Variants in NCF2 observed in about 807,000 individuals in gnomAD.
NCF2 encodes neutrophil cytosol factor 2.
In NCF2, 45 loss-of-function variants were observed where a neutral mutation model predicts 70.9. The ratio of observed to expected loss-of-function variants is 0.63; its 90% CI spans 0.50 to 0.81. NCF2 has a LOEUF of 0.81. Ranked by LOEUF, NCF2 falls within the 40% of genes least tolerant of loss-of-function variation. NCF2 has a pLI of 0.00. For missense variants in NCF2, 522 were observed against 631.6 expected, an observed-to-expected ratio of 0.83 and a Z score of 1.86; for synonymous variants, 203 against 233.6, an observed-to-expected ratio of 0.87 and a Z score of 1.19.
chr1:183,560,012 T>A, intron 14 of NCF2, 84 bp downstream of exon 14: 1 of 1,433,110 alleles, frequency 7.0e-7, no homozygotes, highest in Non-Finnish European at 9.8e-7. Context: ...TGTTTGTAGA[T>A]TATTGATATT....
upstream of NCF2, among the ~76,000 whole-genome samples, chr1:183,592,425 C>G (rs12066019): frequency 6.6e-6 from 1 of 152,176 alleles, no homozygotes; most frequent in African/African-American, 2.4e-5. Context: ...TTTGTACCAC[C>G]TTTACCCAAA....
chr1:183,569,879 T>G (rs553756551), intron 6 of NCF2, among the ~76,000 whole-genome samples: 15 of 152,230 alleles, frequency 9.9e-5, no homozygotes, highest in Non-Finnish European at 2.1e-4. Flanking sequence ...CGTGAGCCAC[T>G]GTGCCTGGCC....
chr1:183,593,769 G>T (rs1673727674), upstream of NCF2, among the ~76,000 whole-genome samples: 1 of 152,186 alleles, frequency 6.6e-6, no homozygotes, highest in South Asian at 2.1e-4. Flanking sequence ...ACTTGGTGCT[G>T]TTAGTAGACG....
chr1:183,578,718 G>A lies in NCF2; in HGVS notation c.258-1011C>T, dbSNP rs980639566. ...CACTGCCTTGTGCTGCTGGATTGGCGTGGAGCTGACTGGCTCGATGTATAC... is the reference window on the plus strand; with the variant it reads ...CACTGCCTTGTGCTGCTGGATTGGCATGGAGCTGACTGGCTCGATGTATAC... On this transcript the variant is annotated intron_variant, in intron 2 of 14. Transcript: ENST00000367535. Among the ~76,000 whole-genome samples, 3 of 152,278 alleles carry A rather than the reference G, an allele frequency of 2.0e-5. No individual in the cohort carries two copies. In the South Asian group the frequency reaches 6.2e-4, roughly 32 times the overall value.
chr1:183,597,179 A>AT, the NCF2 span, among the ~76,000 whole-genome samples: 1 of 152,174 alleles, frequency 6.6e-6, no homozygotes, highest in Non-Finnish European at 1.5e-5. Flanking sequence ...TCAGTCCTGC[A>AT]TTTTTCGTCT....
At chr1:183,563,360 ATCC>A (rs1477830498) in intron 12 of NCF2, 54 bp from the exon 13 acceptor site, 4 of 1,613,588 alleles carry the variant, frequency 2.5e-6, no homozygotes, top group South Asian at 1.1e-5. Flanking sequence ...CACAAAAACC[ATCC>A]TCCTCTTCCC....
rs891129747 is a variant in NCF2, at chr1:183,563,332, C to T, written c.1179-26G>A. 5.6e-6 allele frequency: 9 copies of T among 1,613,660 alleles called. No homozygotes were observed. The African/African-American group carries it at 1.1e-4, about 19-fold the overall frequency. ...CTGGGTGGGGATAATGAGTAAGAAT[C>T]CAGTCAAAGAACATCATCACAAAAA... On this transcript the variant is annotated intron_variant, in intron 12 of 14. Coordinates refer to ENST00000367535, the MANE Select transcript of NCF2 (RefSeq NM_000433.4).
In NCF2 at chr1:183,567,180, ACCAG is replaced by A. The variant is rs933376245; in HGVS notation, c.855+20_855+23del. Reference sequence around the variant, plus strand: ...GCTGCCAGGATCCCATGCCCATCGCACCAGCCCCTGATCCTCTGCATACCTGCCC... The same window carrying A: ...GCTGCCAGGATCCCATGCCCATCGCACCCCTGATCCTCTGCATACCTGCCC... On this transcript the variant is annotated intron_variant, in intron 8 of 14. Transcript: ENST00000367535. 17 of 1,613,978 alleles carry A rather than the reference ACCAG, an allele frequency of 1.1e-5. No homozygotes were observed. The highest frequency in any genetic ancestry group is 2.7e-5 in the African/African-American group (2 of 74,916).
At position 183,555,946 on chromosome 1, in the gene NCF2, A is replaced by G; in HGVS notation, c.*172T>C. On this transcript the variant is annotated 3_prime_UTR_variant, in exon 15 of 15. Coordinates refer to ENST00000367535, the MANE Select transcript of NCF2 (RefSeq NM_000433.4). The stretch of plus-strand genomic sequence containing the variant: ...TCTCCTCACCCACTGTGCCCCAGGA[A>G]ATCATCCTGGGTACTCACATCATTG... The G allele has an allele frequency of 1.5e-6, 1 of 665,352 alleles. No homozygotes were observed. Among genetic ancestry groups the G allele is most frequent in the African/African-American group, 1.8e-5 (1 of 55,920 alleles). 41.2% of individuals were successfully genotyped at this position (665,352 alleles called of 1,614,324 possible). A position where few individuals can be genotyped will look rare whatever the true frequency, so the allele number is the denominator to read the frequency against.
chr1:183,570,699 G>A (rs1672503490), intron 6 of NCF2, 81 bp downstream of exon 6: 3 of 1,455,460 alleles, frequency 2.1e-6, no homozygotes, highest in African/African-American at 1.4e-5. Flanking sequence ...AGGCAACTCA[G>A]CACACATAGT....
intron 10 of NCF2, among the ~76,000 whole-genome samples, chr1:183,564,493 A>G (rs903410490): frequency 6.6e-6 from 1 of 152,270 alleles, no homozygotes; most frequent in Non-Finnish European, 1.5e-5. Context: ...ATCTAATATT[A>G]ATCTAATTTA....
intron 14 of NCF2, among the ~76,000 whole-genome samples, chr1:183,557,625 A>G (rs975530007): frequency 3.9e-5 from 6 of 152,220 alleles, no homozygotes; most frequent in African/African-American, 1.4e-4. Context: ...CAATATGGGT[A>G]TTTCCTCAAC....
the NCF2 span, among the ~76,000 whole-genome samples, chr1:183,596,874 T>G: frequency 6.6e-6 from 1 of 152,208 alleles, no homozygotes; most frequent in African/African-American, 2.4e-5. Context: ...TCTCAGTAAT[T>G]TTTTTCTCTG....
the NCF2 span, among the ~76,000 whole-genome samples, chr1:183,595,935 C>T: frequency 1.3e-5 from 2 of 152,176 alleles, no homozygotes; most frequent in African/African-American, 4.8e-5. Flanking sequence ...TAGAATTCCA[C>T]CTGCCACACC....
At chr1:183,584,373 G>A (rs1050218722) in intron 2 of NCF2, among the ~76,000 whole-genome samples, 1 of 152,228 alleles carries the variant, frequency 6.6e-6, no homozygotes, top group Admixed American at 6.5e-5. Context: ...TTGAGGTTGA[G>A]ATTAGTGCCT....
At chr1:183,559,892 CTTG>C (rs1460894125) in intron 14 of NCF2, among the ~76,000 whole-genome samples, 1 of 152,124 alleles carries the variant, frequency 6.6e-6, no homozygotes, top group Non-Finnish European at 1.5e-5. Flanking sequence ...AACTCAGCTT[CTTG>C]TTGCTTTCCT....
At chr1:183,567,493 T>C in intron 7 of NCF2, 148 bp from the exon 8 acceptor site, 1 of 1,119,180 alleles carries the variant, frequency 8.9e-7, no homozygotes, top group Non-Finnish European at 1.3e-6. Context: ...TGAGCCTGCC[T>C]GGGCTCCCAA....
chr1:183,568,980 G>A (rs1192256575), intron 7 of NCF2, among the ~76,000 whole-genome samples, 162 bp downstream of exon 7: 1 of 152,108 alleles, frequency 6.6e-6, no homozygotes, highest in Non-Finnish European at 1.5e-5. Flanking sequence ...CATTCTTCTA[G>A]GCATTCCTTT....
the NCF2 span, among the ~76,000 whole-genome samples, chr1:183,600,157 A>G: frequency 6.6e-6 from 1 of 152,238 alleles, no homozygotes; most frequent in South Asian, 2.1e-4. Context: ...GATAAAGACA[A>G]ATGTAAAGAT....
Sources: gnomAD v4.1 joint callset for allele counts (sites outside exome capture counted in the v4.1 genomes callset) on GRCh38, gnomAD v4.1.1 for gene constraint, MANE v1.5 for transcripts, NCBI Gene and HGNC (gene_info 2026-07-23, HGNC 2026-07-21) for gene names.